Variants in MARCHF1 observed in about 807,000 individuals in gnomAD.
The protein encoded by MARCHF1 is E3 ubiquitin-protein ligase MARCHF1.
In MARCHF1, 40 loss-of-function variants were observed where a neutral mutation model predicts 54.2. The observed-to-expected ratio is 0.74, with a 90% CI of 0.57 to 0.96. The LOEUF is 0.96. MARCHF1 is among the 40% of genes least tolerant of loss of function. The probability of loss-of-function intolerance (pLI) is 0.00; values close to 1 mark genes in which losing one functional copy is unlikely to be tolerated. For missense variants in MARCHF1, 586 were observed against 656.5 expected, an observed-to-expected ratio of 0.89 and a Z score of 1.17; for synonymous variants, 236 against 236.3, an observed-to-expected ratio of 1.00 and a Z score of 0.01.
At chr4:164,091,771 T>C (rs142330105) in intron 2 of MARCHF1, among the ~76,000 whole-genome samples, 1 of 152,050 alleles carries the variant, frequency 6.6e-6, no homozygotes, top group Admixed American at 6.6e-5. Context: ...CAGCATTTAA[T>C]TAATTTTTGA....
intron 9 of MARCHF1, among the ~76,000 whole-genome samples, chr4:163,540,844 A>T (rs566697435): frequency 6.6e-5 from 10 of 152,238 alleles, no homozygotes; most frequent in East Asian, 5.8e-4. Flanking sequence ...CAACATGATG[A>T]AACCTTGTCC....
intron 2 of MARCHF1, among the ~76,000 whole-genome samples, chr4:163,995,562 C>T (rs1579447710): frequency 3.9e-5 from 6 of 152,120 alleles, no homozygotes; most frequent in Admixed American, 3.9e-4. Flanking sequence ...CATCAGTCAA[C>T]TCATTAGTAT....
chr4:164,279,624 C>G (rs1733974738), intron 1 of MARCHF1, among the ~76,000 whole-genome samples: 1 of 151,508 alleles, frequency 6.6e-6, no homozygotes, highest in South Asian at 2.1e-4. Flanking sequence ...ATACATGTAT[C>G]AAAATATCAC....
At chr4:163,891,223 G>A (rs1750654189) in intron 3 of MARCHF1, among the ~76,000 whole-genome samples, 1 of 151,946 alleles carries the variant, frequency 6.6e-6, no homozygotes, top group South Asian at 2.1e-4. Context: ...TTTTCACTCT[G>A]AGAAGGTGAG....
intron 4 of MARCHF1, among the ~76,000 whole-genome samples, chr4:163,703,462 T>C (rs528343140): frequency 1.3e-5 from 2 of 152,276 alleles, no homozygotes; most frequent in East Asian, 3.9e-4. Flanking sequence ...CCATTACTAT[T>C]GCAATGTCAT....
intron 2 of MARCHF1, among the ~76,000 whole-genome samples, chr4:164,097,871 A>C (rs1339051681): frequency 6.6e-6 from 1 of 152,168 alleles, no homozygotes; most frequent in Non-Finnish European, 1.5e-5. Flanking sequence ...AGGGTGAACC[A>C]GTGCCTCTGT....
intron 2 of MARCHF1, among the ~76,000 whole-genome samples, chr4:164,058,665 G>A (rs1344264284): frequency 6.6e-6 from 1 of 152,148 alleles, no homozygotes; most frequent in Non-Finnish European, 1.5e-5. Flanking sequence ...TAGGACAGGC[G>A]GGTTCTCAGC....
chr4:163,744,177 TC>T (rs1485852485), intron 4 of MARCHF1, among the ~76,000 whole-genome samples: 1 of 152,242 alleles, frequency 6.6e-6, no homozygotes, highest in Non-Finnish European at 1.5e-5. Flanking sequence ...TGCATTTATT[TC>T]GCCAAGACAA....
chr4:163,622,346 C>T (rs72991547), intron 5 of MARCHF1, among the ~76,000 whole-genome samples: 5,168 of 152,000 alleles, frequency 0.034, 288 homozygotes, highest in African/African-American at 0.11. Flanking sequence ...AAACAGAAGT[C>T]CCTGCTCCAG....
At chr4:164,255,756 T>C (rs1160475158) in intron 1 of MARCHF1, among the ~76,000 whole-genome samples, 1 of 151,942 alleles carries the variant, frequency 6.6e-6, no homozygotes, top group Non-Finnish European at 1.5e-5. Flanking sequence ...CTAAAATATA[T>C]AAAGAAAAAG....
intron 5 of MARCHF1, among the ~76,000 whole-genome samples, chr4:163,669,331 C>T (rs1743648339): frequency 6.6e-6 from 1 of 152,046 alleles, no homozygotes; most frequent in African/African-American, 2.4e-5. Context: ...GCAAGTAGTA[C>T]CACTATTAAT....
chr4:163,630,996 TGTAA>T (rs1742056629), intron 5 of MARCHF1, among the ~76,000 whole-genome samples: 2 of 152,108 alleles, frequency 1.3e-5, no homozygotes, highest in African/African-American at 2.4e-5. Flanking sequence ...TGGAGAGGAA[TGTAA>T]GTGTCTGTGG....
intron 1 of MARCHF1, among the ~76,000 whole-genome samples, chr4:164,190,521 A>G (rs1835507): frequency 0.15 from 22,542 of 152,116 alleles, 2,249 homozygotes; most frequent in African/African-American, 0.26. Context: ...GTCTTCAGGT[A>G]GGGGGCAGAA....
chr4:164,096,687 G>A (rs1444572056), intron 2 of MARCHF1, among the ~76,000 whole-genome samples: 1 of 152,000 alleles, frequency 6.6e-6, no homozygotes. Context: ...CACAAAAACA[G>A]AATGTAATAG....
intron 4 of MARCHF1, among the ~76,000 whole-genome samples, chr4:163,797,354 T>C (rs1747947070): frequency 2.7e-4 from 1 of 3,726 alleles, no homozygotes; most frequent in African/African-American, 3.1e-4. Flanking sequence ...TGTGTGTTTA[T>C]GTGTGTGTGT....
intron 4 of MARCHF1, among the ~76,000 whole-genome samples, chr4:163,719,633 T>C (rs1302190470): frequency 6.6e-6 from 1 of 151,942 alleles, no homozygotes; most frequent in Non-Finnish European, 1.5e-5. Context: ...TTGAACTAGT[T>C]TACAGTCCCA....
At chr4:164,222,654 G>C (rs890725555) in intron 1 of MARCHF1, among the ~76,000 whole-genome samples, 1 of 152,002 alleles carries the variant, frequency 6.6e-6, no homozygotes, top group South Asian at 2.1e-4. Context: ...GGAAGAGAGA[G>C]AGAGAGAAAG....
At chr4:164,281,482 G>C (rs1734024622) in intron 1 of MARCHF1, among the ~76,000 whole-genome samples, 1 of 152,120 alleles carries the variant, frequency 6.6e-6, no homozygotes, top group Non-Finnish European at 1.5e-5. Flanking sequence ...AGTTAAAGTT[G>C]AATCATGAGA....
chr4:164,008,129 G>A (rs1477554644), intron 2 of MARCHF1, among the ~76,000 whole-genome samples: 1 of 152,024 alleles, frequency 6.6e-6, no homozygotes, highest in East Asian at 1.9e-4. Flanking sequence ...TGAAATTAAA[G>A]GAGTAATAAA....
Sources: gnomAD v4.1 joint callset for allele counts (sites outside exome capture counted in the v4.1 genomes callset) on GRCh38, gnomAD v4.1.1 for gene constraint, MANE v1.5 for transcripts, NCBI Gene and HGNC (gene_info 2026-07-23, HGNC 2026-07-21) for gene names.